Variants in TNFRSF1B observed in about 807,000 individuals in gnomAD.
TNFRSF1B encodes tumor necrosis factor receptor superfamily member 1B.
Under a neutral mutation model 44.6 loss-of-function variants are expected in TNFRSF1B, and 19 were observed. The ratio of observed to expected loss-of-function variants is 0.43; its 90% CI spans 0.30 to 0.62. The LOEUF (loss-of-function observed/expected upper bound fraction) is 0.62, where lower values mean the gene tolerates loss of function less well. Ranked by LOEUF, TNFRSF1B falls within the 20% of genes least tolerant of loss-of-function variation. The pLI, the probability that TNFRSF1B is intolerant of heterozygous loss-of-function variation, is 0.16. For synonymous variants in TNFRSF1B, 252 were observed against 261.1 expected (o/e 0.97, Z 0.34); for missense variants, 541 against 619.9 (o/e 0.87, Z 1.35).
chr1:12,194,739 G>A (rs1249582056), intron 8 of TNFRSF1B, 121 bp downstream of exon 8: 5 of 1,290,944 alleles, frequency 3.9e-6, no homozygotes, highest in African/African-American at 1.5e-5. Context: ...GGTGTGCAGA[G>A]CCCTGGGAGG....
intron 2 of TNFRSF1B, among the ~76,000 whole-genome samples, chr1:12,189,751 A>G (rs577539271): frequency 6.6e-6 from 1 of 152,346 alleles, no homozygotes; most frequent in African/African-American, 2.4e-5. Context: ...AGACAAGGTC[A>G]GGTAAGGCGG....
chr1:12,168,724 T>C lies in TNFRSF1B; in HGVS notation c.78+1555T>C, dbSNP rs1476307226. Among the ~76,000 whole-genome samples, 2 of 152,052 alleles carry C rather than the reference T, an allele frequency of 1.3e-5. No individual in the cohort carries two copies. The highest frequency in any genetic ancestry group is 2.9e-5 in the Non-Finnish European group (2 of 67,972). On this transcript the variant is annotated intron_variant, in intron 1 of 9. Transcript: ENST00000376259. The surrounding 1 kb of genome is among the most constrained non-coding windows in gnomAD (Gnocchi z 4.7). Reference sequence around the variant, plus strand: ...TGACCAGCTCCTGCGGCAGCTCATATTCCCTCCTCCCTCATCCCTGCTCCC... The same window carrying C: ...TGACCAGCTCCTGCGGCAGCTCATACTCCCTCCTCCCTCATCCCTGCTCCC...
intron 9 of TNFRSF1B, among the ~76,000 whole-genome samples, chr1:12,202,565 G>A (rs1639418565): frequency 6.6e-6 from 1 of 152,196 alleles, no homozygotes; most frequent in African/African-American, 2.4e-5. Flanking sequence ...CAGGCTGTGG[G>A]ACACCTGGTG....
At chr1:12,190,086 G>C (rs1639078413) in intron 2 of TNFRSF1B, among the ~76,000 whole-genome samples, 1 of 152,156 alleles carries the variant, frequency 6.6e-6, no homozygotes, top group African/African-American at 2.4e-5. Flanking sequence ...GGAGGGCTTT[G>C]AGCCGTTACC....
intron 9 of TNFRSF1B, among the ~76,000 whole-genome samples, chr1:12,203,671 G>T (rs947745002): frequency 6.6e-6 from 1 of 152,222 alleles, no homozygotes; most frequent in Admixed American, 6.5e-5. Context: ...ATGAATGAAT[G>T]AGTGCGCTCC....
intron 2 of TNFRSF1B, 127 bp from the exon 3 acceptor site, chr1:12,190,830 T>G: frequency 8.8e-7 from 1 of 1,131,318 alleles, no homozygotes; most frequent in Non-Finnish European, 1.2e-6. Context: ...TTCTGAGGAA[T>G]TGGAACTCCA....
rs376645874 is a variant in TNFRSF1B, at chr1:12,194,669, C to A, written c.900+51C>A. 17 of 1,604,382 alleles carry A rather than the reference C, an allele frequency of 1.1e-5. 1 individual carries two copies. The East Asian group carries it at 3.3e-4, about 32-fold the overall frequency. On this transcript the variant is annotated intron_variant, in intron 8 of 9. Transcript: ENST00000376259. ...CCTCTTCCCCTGGTCTCCTTCCCGGCGTGCTGGGCTGTCACAGAGGAAGCA... is the reference window on the plus strand; with the variant it reads ...CCTCTTCCCCTGGTCTCCTTCCCGGAGTGCTGGGCTGTCACAGAGGAAGCA...
intron 8 of TNFRSF1B, among the ~76,000 whole-genome samples, chr1:12,200,369 A>C (rs960538832): frequency 1.1e-4 from 17 of 151,906 alleles, no homozygotes; most frequent in Admixed American, 9.2e-4. Flanking sequence ...AGGGTCTCAG[A>C]CGTGAGCGCT....
chr1:12,194,008 T>A lies in TNFRSF1B; in HGVS notation c.841T>A (p.Cys281Ser), dbSNP rs1639211179. The A allele has an allele frequency of 1.2e-6, 2 of 1,613,974 alleles. No individual in the cohort carries two copies. Among genetic ancestry groups the A allele is most frequent in the South Asian group, 2.2e-5 (2 of 91,092 alleles). The change falls in exon 7 of 10, where the codon TGT (cysteine) becomes AGT (serine). Residue 281 changes from cysteine to serine, a missense_variant. Physicochemically the swap from Cys to Ser is moderately radical, Grantham distance 112. Coordinates refer to ENST00000376259, the MANE Select transcript of TNFRSF1B (RefSeq NM_001066.3). Reference sequence around the variant, plus strand: ...TCTACTAATAATAGGAGTGGTGAACTGTGTCATCATGACCCAGGTGAAAAG... The same window carrying A: ...TCTACTAATAATAGGAGTGGTGAACAGTGTCATCATGACCCAGGTGAAAAG... ...LGLLIIGVVN[C>S]VIMTQVKKKP... is the part of the protein sequence containing the mutation.
At chr1:12,195,587 C>T (rs1037215352) in intron 8 of TNFRSF1B, among the ~76,000 whole-genome samples, 1 of 152,176 alleles carries the variant, frequency 6.6e-6, no homozygotes, top group Non-Finnish European at 1.5e-5. Flanking sequence ...CCCAGAAGCC[C>T]TGGGTAGACT....
chr1:12,173,431 A>G (rs937300442), intron 1 of TNFRSF1B, among the ~76,000 whole-genome samples: 5 of 152,146 alleles, frequency 3.3e-5, no homozygotes, highest in Non-Finnish European at 7.4e-5. Context: ...AGGGCCATCA[A>G]GAATTCACGG....
rs1334778212 is a variant in TNFRSF1B at position 12,171,150 on chromosome 1, G to GTGCCACCA, written c.78+3986_78+3993dup. Among the ~76,000 whole-genome samples, 1 of 150,652 alleles carries GTGCCACCA rather than the reference G, an allele frequency of 6.6e-6. No individual in the cohort carries two copies. Reference sequence around the variant, plus strand: ...CCCAAGTAGCTGGGATTACAGGTGTGTGCCACCATGCCCGGCTAATTTTTC... The same window carrying GTGCCACCA: ...CCCAAGTAGCTGGGATTACAGGTGTGTGCCACCATGCCACCATGCCCGGCTAATTTTTC... On this transcript the variant is annotated intron_variant, in intron 1 of 9. Transcript: ENST00000376259. The surrounding 1 kb of genome is among the most constrained non-coding windows in gnomAD (Gnocchi z 4.5).
intron 2 of TNFRSF1B, among the ~76,000 whole-genome samples, chr1:12,189,304 A>C (rs936981984): frequency 6.6e-6 from 1 of 152,156 alleles, no homozygotes. Flanking sequence ...TGATGTTCCC[A>C]TGGAAGCTCT....
intron 9 of TNFRSF1B, 64 bp from the exon 10 acceptor site, chr1:12,206,676 A>G (rs1030189043): frequency 2.6e-5 from 38 of 1,476,670 alleles, no homozygotes; most frequent in Non-Finnish European, 3.4e-5. Flanking sequence ...CATCTTGGGC[A>G]GGGGTCCCTG....
At position 12,180,049 on chromosome 1, in the gene TNFRSF1B, C is replaced by G. The variant is rs1557626440; in HGVS notation, c.79-8747C>G. ...ATCTTCCGTTCTCAGCGGGTAGATC[C>G]CTGCCCAGGGGGGACCCCCTGGGGA... is the stretch of plus-strand genomic sequence containing the variant. On this transcript the variant is annotated intron_variant, in intron 1 of 9. Coordinates refer to ENST00000376259, the MANE Select transcript of TNFRSF1B (RefSeq NM_001066.3). This position sits in a 1 kb window ranked among gnomAD's most constrained non-coding sequence, Gnocchi z 4.3. 6.6e-6 allele frequency among the ~76,000 whole-genome samples: 1 copy of G among 151,870 alleles called. No homozygotes were observed. The highest frequency in any genetic ancestry group is 2.0e-4 in the East Asian group (1 of 5,104).
intron 1 of TNFRSF1B, among the ~76,000 whole-genome samples, chr1:12,183,846 TCTATCTAC>T (rs1447315575): frequency 6.9e-6 from 1 of 144,960 alleles, no homozygotes; most frequent in East Asian, 2.0e-4. Flanking sequence ...TATCTATCTA[TCTATCTAC>T]CTACCTACCT....
chr1:12,183,783 TAC>T (rs1638905179), intron 1 of TNFRSF1B, among the ~76,000 whole-genome samples: 1 of 137,414 alleles, frequency 7.3e-6, no homozygotes, highest in Admixed American at 7.1e-5. Context: ...CTATTCTATC[TAC>T]CTACCTATCT....
At chr1:12,193,226 C>T in intron 6 of TNFRSF1B, 128 bp downstream of exon 6, 16 of 857,010 alleles carry the variant, frequency 1.9e-5, no homozygotes, top group Non-Finnish European at 3.0e-5. Context: ...TCCTGGGATA[C>T]AGGTGGCAGT....
At chr1:12,198,170 C>T (rs1026600357) in intron 8 of TNFRSF1B, among the ~76,000 whole-genome samples, 1 of 152,016 alleles carries the variant, frequency 6.6e-6, no homozygotes, top group African/African-American at 2.4e-5. Flanking sequence ...CACAATCACC[C>T]CCATGGACAC....
Sources: allele counts gnomAD v4.1 joint callset (sites outside exome capture counted in the v4.1 genomes callset), GRCh38; gene constraint gnomAD v4.1.1; non-coding constraint Gnocchi (gnomAD v3.1); transcripts MANE v1.5; gene names NCBI Gene and HGNC (gene_info 2026-07-23, HGNC 2026-07-21).